The following CACNA2D3 variants were observed in gnomAD, a reference collection of about 807,000 sequenced individuals.
The protein encoded by CACNA2D3 is calcium voltage-gated channel auxiliary subunit alpha2delta 3.
A neutral mutation model predicts 160.6 loss-of-function variants in CACNA2D3; 60 were observed. That is an observed-to-expected ratio of 0.37 (90% CI 0.30 to 0.46). The LOEUF (loss-of-function observed/expected upper bound fraction) is 0.46, where lower values mean the gene tolerates loss of function less well. Among genes scored for constraint, CACNA2D3 ranks in the 20% least tolerant of loss-of-function variants. The pLI, the probability that CACNA2D3 is intolerant of heterozygous loss-of-function variation, is 1.00. For synonymous variants in CACNA2D3, 558 were observed against 492.9 expected (o/e 1.13, Z -1.75); for missense variants, 1,205 against 1,365.0 (o/e 0.88, Z 1.85).
chr3:54,300,479 C>T (rs1256384429), intron 2 of CACNA2D3, among the ~76,000 whole-genome samples: 1 of 152,220 alleles, frequency 6.6e-6, no homozygotes, highest in Non-Finnish European at 1.5e-5. Flanking sequence ...AGGATGTGGG[C>T]TGTGCTGCTG....
intron 11 of CACNA2D3, among the ~76,000 whole-genome samples, chr3:54,664,633 A>G (rs1700030876): frequency 6.6e-6 from 1 of 152,172 alleles, no homozygotes; most frequent in Non-Finnish European, 1.5e-5. Flanking sequence ...TCTTTGTTCC[A>G]TCATATTTTT....
At chr3:54,626,796 C>A in intron 9 of CACNA2D3, 5 of 615,744 alleles carry the variant, frequency 8.1e-6, no homozygotes, top group Non-Finnish European at 1.4e-5. Flanking sequence ...TTTTGGGTCA[C>A]TCATACATGC....
Position 54,948,510 on chromosome 3 carries a change from CCTGCAGTGGTTTCACCATGAGCACCT to C in CACNA2D3, c.2450-19934_2450-19909del, listed in dbSNP as rs369198931. Reference sequence around the variant, plus strand: ...CTAGTATGGGCAAAGGTAGCATCTTCCTGCAGTGGTTTCACCATGAGCACCTCTGCATGATCAGCTAACTCGGTACA... The same window carrying C: ...CTAGTATGGGCAAAGGTAGCATCTTCCTGCATGATCAGCTAACTCGGTACA... On this transcript the variant is annotated intron_variant, in intron 27 of 37. Coordinates refer to ENST00000474759, the MANE Select transcript of CACNA2D3 (RefSeq NM_018398.3). Among the ~76,000 whole-genome samples, 454 of 152,322 alleles carry C rather than the reference CCTGCAGTGGTTTCACCATGAGCACCT, an allele frequency of 3.0e-3. 1 individual carries two copies. Among genetic ancestry groups the C allele is most frequent in the African/African-American group, 0.011 (443 of 41,576 alleles).
chr3:54,806,403 C>A (rs562397999), intron 13 of CACNA2D3, among the ~76,000 whole-genome samples: 1 of 152,146 alleles, frequency 6.6e-6, no homozygotes, highest in Non-Finnish European at 1.5e-5. Context: ...TTCTTATACA[C>A]CAATAGCGGA....
In CACNA2D3 at chr3:54,925,168, A is replaced by G. The variant is rs765521466; in HGVS notation, c.2449+25300A>G. On this transcript the variant is annotated intron_variant, in intron 27 of 37. Transcript: ENST00000474759. ...CAGTAACACTTGTCCGGGCAGCTGCATACCACCTGGAGCAGGACAATCACA... is the reference window on the plus strand; with the variant it reads ...CAGTAACACTTGTCCGGGCAGCTGCGTACCACCTGGAGCAGGACAATCACA... 3 of 1,614,124 alleles carry G rather than the reference A, an allele frequency of 1.9e-6. No individual in the cohort carries two copies. The highest frequency in any genetic ancestry group is 3.3e-5 in the Admixed American group (2 of 60,018).
chr3:54,716,507 C>T (rs1701052564), intron 11 of CACNA2D3, among the ~76,000 whole-genome samples: 1 of 152,110 alleles, frequency 6.6e-6, no homozygotes, highest in Non-Finnish European at 1.5e-5. Flanking sequence ...ATCTTACACT[C>T]AGTAAATCTG....
chr3:54,220,308 A>T (rs1701544028), intron 2 of CACNA2D3, among the ~76,000 whole-genome samples: 2 of 152,216 alleles, frequency 1.3e-5, no homozygotes, highest in African/African-American at 2.4e-5. Flanking sequence ...CTCATTAATT[A>T]AGCGTGTGAT....
intron 4 of CACNA2D3, among the ~76,000 whole-genome samples, chr3:54,420,177 T>C (rs1006104209): frequency 1.2e-4 from 18 of 152,090 alleles, no homozygotes; most frequent in Non-Finnish European, 2.2e-4. Context: ...CTCCGCCTCC[T>C]GAGTTCAAGT....
chr3:54,801,793 A>T (rs991485855), intron 13 of CACNA2D3, among the ~76,000 whole-genome samples: 1 of 152,092 alleles, frequency 6.6e-6, no homozygotes, highest in Non-Finnish European at 1.5e-5. Flanking sequence ...TTTTAAACAT[A>T]CCATTGGAAG....
At chr3:54,631,369 A>G (rs1236504398) in intron 10 of CACNA2D3, among the ~76,000 whole-genome samples, 1 of 152,146 alleles carries the variant, frequency 6.6e-6, no homozygotes, top group Admixed American at 6.5e-5. Context: ...AAATAGCTAA[A>G]CTCTTTGACA....
At chr3:54,891,665 CT>C in intron 25 of CACNA2D3, among the ~76,000 whole-genome samples, 1 of 152,320 alleles carries the variant, frequency 6.6e-6, no homozygotes, top group Middle Eastern at 3.4e-3. Flanking sequence ...GTTCCTCAGG[CT>C]TGTTGGCTTC....
chr3:54,352,942 G>A (rs1017398862), intron 3 of CACNA2D3, among the ~76,000 whole-genome samples: 1 of 152,166 alleles, frequency 6.6e-6, no homozygotes, highest in African/African-American at 2.4e-5. Context: ...GGCGTGCAGT[G>A]TGAAATAGGA....
intron 4 of CACNA2D3, among the ~76,000 whole-genome samples, chr3:54,401,858 A>T (rs1699472123): frequency 6.6e-6 from 1 of 152,220 alleles, no homozygotes; most frequent in Non-Finnish European, 1.5e-5. Context: ...TTCATTGTTG[A>T]TATGATACTC....
At chr3:54,918,763 T>G (rs371576054) in intron 27 of CACNA2D3, 5 of 1,614,052 alleles carry the variant, frequency 3.1e-6, no homozygotes, top group Non-Finnish European at 4.2e-6. Flanking sequence ...GCCGGGCCAC[T>G]GAGCCTGCGA....
chr3:54,174,098 A>G (rs1285942798), intron 2 of CACNA2D3, among the ~76,000 whole-genome samples: 1 of 152,228 alleles, frequency 6.6e-6, no homozygotes, highest in Non-Finnish European at 1.5e-5. Flanking sequence ...TTGTAGCACG[A>G]CAGCAGCCAG....
chr3:54,599,261 C>G (rs1311239943), intron 9 of CACNA2D3, among the ~76,000 whole-genome samples: 1 of 152,176 alleles, frequency 6.6e-6, no homozygotes, highest in East Asian at 1.9e-4. Flanking sequence ...GAGAGGAAAT[C>G]AAACCCTTGG....
chr3:55,070,490 G>A (rs1396391532), intron 35 of CACNA2D3, among the ~76,000 whole-genome samples: 1 of 152,172 alleles, frequency 6.6e-6, no homozygotes, highest in Non-Finnish European at 1.5e-5. Flanking sequence ...GGAAGGGCTA[G>A]TAGATGAGGG....
intron 2 of CACNA2D3, among the ~76,000 whole-genome samples, chr3:54,203,256 C>T (rs764001435): frequency 2.6e-5 from 4 of 152,158 alleles, no homozygotes; most frequent in Non-Finnish European, 5.9e-5. Context: ...TTGTCCCCCT[C>T]GCAGGGCGTG....
intron 11 of CACNA2D3, among the ~76,000 whole-genome samples, chr3:54,655,240 A>G (rs558912848): frequency 1.3e-5 from 2 of 152,140 alleles, no homozygotes; most frequent in Non-Finnish European, 2.9e-5. Flanking sequence ...AGTGCTGCCT[A>G]ATGGAAAAAG....
Sources: gnomAD v4.1 joint callset for allele counts (sites outside exome capture counted in the v4.1 genomes callset) on GRCh38, gnomAD v4.1.1 for gene constraint, MANE v1.5 for transcripts, NCBI Gene and HGNC (gene_info 2026-07-23, HGNC 2026-07-21) for gene names.